The following ITGA3 variants were observed in gnomAD, a reference collection of about 807,000 sequenced individuals.
ITGA3 encodes integrin alpha-3.
A neutral mutation model predicts 131.1 loss-of-function variants in ITGA3; 70 were observed. The observed-to-expected ratio is 0.53, with a 90% CI of 0.44 to 0.65. ITGA3 has a LOEUF of 0.65. ITGA3 is among the 30% of genes least tolerant of loss of function. The pLI, the probability that ITGA3 is intolerant of heterozygous loss-of-function variation, is 0.00. For missense variants in ITGA3, 1,098 were observed against 1,388.6 expected, an observed-to-expected ratio of 0.79 and a Z score of 3.33; for synonymous variants, 537 against 571.6, an observed-to-expected ratio of 0.94 and a Z score of 0.86.
rs1909630021 is a variant in ITGA3 at position 50,089,761 on chromosome 17, C to T, written c.*683C>T. ...CCGCTGGCTGGTGGGCCCCCAATGA[C>T]ACCCATGCCAGAGAGGTGGGGATCC... On this transcript the variant is annotated 3_prime_UTR_variant, in exon 26 of 26. Transcript: ENST00000320031. 5.8e-6 allele frequency: 1 copy of T among 172,242 alleles called. No homozygotes were observed. Among genetic ancestry groups the T allele is most frequent in the Admixed American group, 5.6e-5 (1 of 17,960 alleles). 10.7% of individuals were successfully genotyped at this position (172,242 alleles called of 1,614,324 possible). A position where few individuals can be genotyped will look rare whatever the true frequency, so the allele number is the denominator to read the frequency against.
intron 23 of ITGA3, among the ~76,000 whole-genome samples, chr17:50,084,732 T>A (rs1909315864): frequency 1.3e-5 from 2 of 151,862 alleles, no homozygotes; most frequent in Non-Finnish European, 2.9e-5. Flanking sequence ...CTATCCTGGG[T>A]AACAAAGTGA....
rs1421999204 is a variant in ITGA3 at position 50,076,567 on chromosome 17, C to T, written c.1825-17C>T. The T allele has an allele frequency of 6.2e-7, 1 of 1,611,714 alleles. No individual in the cohort carries two copies. Among genetic ancestry groups the T allele is most frequent in the South Asian group, 1.1e-5 (1 of 91,064 alleles). On this transcript the variant is annotated splice_polypyrimidine_tract_variant and intron_variant, in intron 13 of 25. Coordinates refer to ENST00000320031, the MANE Select transcript of ITGA3 (RefSeq NM_002204.4). ...GGGGGGGGTGGTGCGGCCTTCACAC[C>T]TCCGGCCACCCCCCAGGTCCAGTTC...
chr17:50,079,589 G>T, intron 21 of ITGA3, 32 bp downstream of exon 21: 1 of 1,492,650 alleles, frequency 6.7e-7, no homozygotes, highest in Non-Finnish European at 8.9e-7. Context: ...GGAGGGGATT[G>T]CATCCACCCC....
intron 7 of ITGA3, 96 bp downstream of exon 7, chr17:50,072,278 A>G (rs900936940): frequency 7.1e-6 from 8 of 1,132,214 alleles, no homozygotes; most frequent in African/African-American, 1.5e-5. Flanking sequence ...CAGGCTTGAC[A>G]GGGCCCACAG....
At chr17:50,071,696 C>T in intron 6 of ITGA3, 178 bp downstream of exon 6, 3 of 650,810 alleles carry the variant, frequency 4.6e-6, no homozygotes, top group Non-Finnish European at 7.8e-6. Flanking sequence ...ATTTGTGGGA[C>T]CCCTGCGTTT....
intron 24 of ITGA3, 109 bp from the exon 25 acceptor site, chr17:50,088,115 AG>A (rs1290947375): frequency 1.2e-5 from 17 of 1,398,796 alleles, no homozygotes; most frequent in Non-Finnish European, 1.4e-5. Flanking sequence ...GCTGGGACTG[AG>A]CCCCAGCCCC....
At chr17:50,084,108 C>T (rs1909290710) in intron 23 of ITGA3, among the ~76,000 whole-genome samples, 2 of 151,426 alleles carry the variant, frequency 1.3e-5, no homozygotes, top group African/African-American at 4.9e-5. Context: ...GTGGTGCATG[C>T]CTGTAATTCT....
In ITGA3 at chr17:50,064,895, A is replaced by T; in HGVS notation, c.414+288A>T. On this transcript the variant is annotated intron_variant, in intron 3 of 25. Coordinates refer to ENST00000320031, the MANE Select transcript of ITGA3 (RefSeq NM_002204.4). This position sits in a 1 kb window ranked among gnomAD's most constrained non-coding sequence, Gnocchi z 4.4. ...AGCCTTCGTGGGAACAAGCCGAGGGAGCCGAGGGAACTGCAAGGAGGAGAA... is the reference window on the plus strand; with the variant it reads ...AGCCTTCGTGGGAACAAGCCGAGGGTGCCGAGGGAACTGCAAGGAGGAGAA... 1 of 314,770 alleles carries T rather than the reference A, an allele frequency of 3.2e-6. No individual in the cohort carries two copies. 19.5% of individuals were successfully genotyped at this position (314,770 alleles called of 1,614,324 possible).
At chr17:50,065,117 T>TC (rs74371456) in intron 3 of ITGA3, 15,312 of 152,516 alleles carry the variant, frequency 0.1, 1,236 homozygotes, top group East Asian at 0.33. Flanking sequence ...GATAGACATT[T>TC]CCCCCCGCAT....
chr17:50,070,106 C>A (rs2144277521), intron 4 of ITGA3, among the ~76,000 whole-genome samples: 1 of 152,324 alleles, frequency 6.6e-6, no homozygotes, highest in South Asian at 2.1e-4. Flanking sequence ...AGCAGCAGCC[C>A]TGGGTGCAGG....
rs745970016 is a variant in ITGA3, at chr17:50,064,483, G to A, written c.335-45G>A. 6.4e-7 allele frequency: 1 copy of A among 1,569,836 alleles called. No homozygotes were observed. The highest frequency in any genetic ancestry group is 8.7e-7 in the Non-Finnish European group (1 of 1,154,842). On this transcript the variant is annotated intron_variant, in intron 2 of 25. Coordinates refer to ENST00000320031, the MANE Select transcript of ITGA3 (RefSeq NM_002204.4). The surrounding 1 kb of genome is among the most constrained non-coding windows in gnomAD (Gnocchi z 4.4). ...CCCTCTGGAGACTTTGGGCACTGAA[G>A]TATGGGTGAGGTGCTCTGATTCATG...
rs1038936090 is a variant in ITGA3 at position 50,056,222 on chromosome 17, G to A, written c.-218G>A. On this transcript the variant is annotated 5_prime_UTR_variant, in exon 1 of 26. Coordinates refer to ENST00000320031, the MANE Select transcript of ITGA3 (RefSeq NM_002204.4). This position sits in a 1 kb window ranked among gnomAD's most constrained non-coding sequence, Gnocchi z 5.6. ...GGACGGCGGCGACCCGGCCGCTGGG[G>A]AGGCAGGAAGATAGACCCACGGATC... The A allele has an allele frequency of 2.0e-4, 89 of 439,582 alleles. No homozygotes were observed. In the Admixed American group the frequency reaches 2.7e-3, roughly 13 times the overall value. 27.2% of individuals were successfully genotyped at this position (439,582 alleles called of 1,614,324 possible). A position where few individuals can be genotyped will look rare whatever the true frequency, so the allele number is the denominator to read the frequency against.
At position 50,089,037 on chromosome 17, in the gene ITGA3, G is replaced by A. The variant is rs570878348; in HGVS notation, c.*32-73G>A. On this transcript the variant is annotated intron_variant, in intron 25 of 25. Coordinates refer to ENST00000320031, the MANE Select transcript of ITGA3 (RefSeq NM_002204.4). ...TGAGGAGTTCTGGGTGGGAGAGGGA[G>A]AGGCCTGGCACTCCTTCCTGGTGGC... 5.2e-5 allele frequency: 62 copies of A among 1,189,158 alleles called. No homozygotes were observed. The South Asian group carries it at 7.4e-4, about 14-fold the overall frequency. 73.7% of individuals were successfully genotyped at this position (1,189,158 alleles called of 1,614,324 possible).
At chr17:50,072,506 G>A (rs1048555033) in intron 7 of ITGA3, among the ~76,000 whole-genome samples, 1 of 142,748 alleles carries the variant, frequency 7.0e-6, no homozygotes, top group Non-Finnish European at 1.5e-5. Flanking sequence ...TCTAGCGGGT[G>A]TAGAGTGTTC....
At position 50,089,091 on chromosome 17, in the gene ITGA3, C is replaced by G. The variant is rs570792852; in HGVS notation, c.*32-19C>G. ...AACTCTGGATGCTAATGTTCTTTCT[C>G]TTCTCCCTCCAACTCCAGTGTGACT... On this transcript the variant is annotated intron_variant, in intron 25 of 25. Transcript: ENST00000320031. The G allele has an allele frequency of 3.1e-6, 5 of 1,605,984 alleles. No individual in the cohort carries two copies. In the Admixed American group the frequency reaches 8.3e-5, roughly 27 times the overall value.
chr17:50,077,863 T>C, intron 16 of ITGA3, 183 bp from the exon 17 acceptor site: 2 of 588,710 alleles, frequency 3.4e-6, no homozygotes, highest in Non-Finnish European at 3.0e-6. Context: ...TGTGACCTGA[T>C]GGAGAGAAAG....
At chr17:50,063,823 T>A in intron 1 of ITGA3, 1 of 514,538 alleles carries the variant, frequency 1.9e-6, no homozygotes, top group Admixed American at 3.3e-5. Context: ...GGTCACCTCT[T>A]CTGCTGGCCT....
In ITGA3 at chr17:50,076,181, C is replaced by T. The variant is rs868129248; in HGVS notation, c.1675-145C>T. On this transcript the variant is annotated intron_variant, in intron 12 of 25. Coordinates refer to ENST00000320031, the MANE Select transcript of ITGA3 (RefSeq NM_002204.4). Reference sequence around the variant, plus strand: ...ATAGTAGGAAGTCGCAATTTGGCGACCGGACTGGAGGGAGTTCAGCCTAAC... The same window carrying T: ...ATAGTAGGAAGTCGCAATTTGGCGATCGGACTGGAGGGAGTTCAGCCTAAC... 4 of 869,932 alleles carry T rather than the reference C, an allele frequency of 4.6e-6. No individual in the cohort carries two copies. The South Asian group carries it at 6.7e-5, about 15-fold the overall frequency. 53.9% of individuals were successfully genotyped at this position (869,932 alleles called of 1,614,324 possible). A position where few individuals can be genotyped will look rare whatever the true frequency, so the allele number is the denominator to read the frequency against.
chr17:50,076,263 G>C, intron 12 of ITGA3, 63 bp from the exon 13 acceptor site: 2 of 1,562,118 alleles, frequency 1.3e-6, no homozygotes, highest in Non-Finnish European at 1.7e-6. Flanking sequence ...TCAGGGTGGT[G>C]TGAGGATTCA....
Sources: gnomAD v4.1 joint callset for allele counts (sites outside exome capture counted in the v4.1 genomes callset) on GRCh38, gnomAD v4.1.1 for gene constraint, Gnocchi (gnomAD v3.1) non-coding constraint, MANE v1.5 for transcripts, NCBI Gene and HGNC (gene_info 2026-07-23, HGNC 2026-07-21) for gene names.